The following TM9SF4 variants were observed in gnomAD, a reference collection of about 807,000 sequenced individuals.
TM9SF4 encodes transmembrane 9 superfamily member 4.
In TM9SF4, 26 loss-of-function variants were observed where a neutral mutation model predicts 90.4. The observed-to-expected ratio is 0.29, with a 90% CI of 0.21 to 0.40. TM9SF4 has a LOEUF of 0.40. TM9SF4 is among the 10% of genes least tolerant of loss of function. TM9SF4 has a pLI of 1.00. For synonymous variants in TM9SF4, 293 were observed against 315.4 expected, an observed-to-expected ratio of 0.93 and a Z score of 0.75; for missense variants, 549 against 834.8, an observed-to-expected ratio of 0.66 and a Z score of 4.22.
chr20:32,147,308 C>A (rs893174493), intron 9 of TM9SF4, among the ~76,000 whole-genome samples: 2 of 151,650 alleles, frequency 1.3e-5, no homozygotes, highest in African/African-American at 2.4e-5. Flanking sequence ...AAATGTAATA[C>A]CAAAAAAGTA....
intron 17 of TM9SF4, among the ~76,000 whole-genome samples, chr20:32,164,570 C>T (rs1385411549): frequency 6.6e-6 from 1 of 152,144 alleles, no homozygotes; most frequent in Non-Finnish European, 1.5e-5. Flanking sequence ...ATGGCCTTCA[C>T]CCCTTAGGCT....
intron 1 of TM9SF4, among the ~76,000 whole-genome samples, chr20:32,130,361 T>C (rs577457942): frequency 6.6e-6 from 1 of 152,352 alleles, no homozygotes; most frequent in East Asian, 1.9e-4. Flanking sequence ...TAACAACTTT[T>C]GGGTGGCTGT....
At chr20:32,143,761 T>C (rs1181366111) in intron 6 of TM9SF4, among the ~76,000 whole-genome samples, 2 of 151,862 alleles carry the variant, frequency 1.3e-5, no homozygotes, top group African/African-American at 2.4e-5. Flanking sequence ...AACTTAGTGT[T>C]CAAACAAAAT....
At chr20:32,115,718 AT>A (rs1446687508) in intron 1 of TM9SF4, among the ~76,000 whole-genome samples, 1 of 145,712 alleles carries the variant, frequency 6.9e-6, no homozygotes, top group Non-Finnish European at 1.5e-5. Flanking sequence ...TGGTTATGTG[AT>A]TTTGGGAAAA....
chr20:32,152,272 G>T (rs2046853764), intron 12 of TM9SF4, among the ~76,000 whole-genome samples: 1 of 151,804 alleles, frequency 6.6e-6, no homozygotes, highest in African/African-American at 2.4e-5. Context: ...CTCCTGGCAA[G>T]ATTCTTCCCT....
In TM9SF4 at chr20:32,157,799, C is replaced by T. The variant is rs1319473627; in HGVS notation, c.1335C>T (p.Pro445=). 2 of 1,614,132 alleles carry T rather than the reference C, an allele frequency of 1.2e-6. No individual in the cohort carries two copies. Among genetic ancestry groups the T allele is most frequent in the Admixed American group, 3.3e-5 (2 of 60,018 alleles). The change falls in exon 14 of 18, where the codon CCC becomes CCT. Residue 445 remains proline, a synonymous_variant. Coordinates refer to ENST00000398022, the MANE Select transcript of TM9SF4 (RefSeq NM_014742.4). ...TCATGGTGCCATGTCTACAGGTGCC[C>T]TTTCCCACCATGGTGGCTCTGCTGT... is the stretch of plus-strand genomic sequence containing the variant. The part of the protein sequence containing the change: ...IWGKHSSGAV[P]FPTMVALLCM...
At chr20:32,153,566 C>T (rs781041334) in intron 12 of TM9SF4, among the ~76,000 whole-genome samples, 32 of 151,964 alleles carry the variant, frequency 2.1e-4, no homozygotes, top group Non-Finnish European at 4.1e-4. Flanking sequence ...CTGGGCAACA[C>T]AGTGAGACCC....
chr20:32,158,846 G>A lies in TM9SF4; in HGVS notation c.1569+332G>A, dbSNP rs541389249. Among the ~76,000 whole-genome samples, 3 of 152,228 alleles carry A rather than the reference G, an allele frequency of 2.0e-5. No individual in the cohort carries two copies. The South Asian group carries it at 6.2e-4, about 32-fold the overall frequency. Reference sequence around the variant, plus strand: ...AAAATACAAAAATTAGCCGGGCATGGTGGCACACGCCTGTAGTCCCAGCTA... The same window carrying A: ...AAAATACAAAAATTAGCCGGGCATGATGGCACACGCCTGTAGTCCCAGCTA... On this transcript the variant is annotated intron_variant, in intron 15 of 17. Coordinates refer to ENST00000398022, the MANE Select transcript of TM9SF4 (RefSeq NM_014742.4).
At chr20:32,139,229 C>G (rs2046636552) in intron 3 of TM9SF4, among the ~76,000 whole-genome samples, 1 of 152,234 alleles carries the variant, frequency 6.6e-6, no homozygotes, top group Admixed American at 6.5e-5. Flanking sequence ...GGCCGATAAC[C>G]CCCAACTTCC....
In TM9SF4 at chr20:32,157,892, A is replaced by G. The variant is rs772146017; in HGVS notation, c.1428A>G (p.Pro476=). 6 of 1,614,042 alleles carry G rather than the reference A, an allele frequency of 3.7e-6. No homozygotes were observed. The South Asian group carries it at 4.4e-5, about 12-fold the overall frequency. ...LGYYFGFRKQ[P]YDNPVRTNQI... ...ACTACTTCGGCTTCCGAAAGCAGCCATATGACAACCCTGTGCGCACCAACC... is the reference window on the plus strand; with the variant it reads ...ACTACTTCGGCTTCCGAAAGCAGCCGTATGACAACCCTGTGCGCACCAACC... Residue 476 remains proline (P), a synonymous_variant, in exon 14 of 18, where the codon CCA becomes CCG. Transcript: ENST00000398022.
chr20:32,149,162 T>A (rs963718451), intron 9 of TM9SF4, among the ~76,000 whole-genome samples: 1 of 152,234 alleles, frequency 6.6e-6, no homozygotes, highest in African/African-American at 2.4e-5. Flanking sequence ...GAGTATCAAA[T>A]CATTTTATTT....
Position 32,166,616 on chromosome 20 carries a change from C to A in TM9SF4, c.*1172C>A, listed in dbSNP as rs2047102076. 6.6e-6 allele frequency: 1 copy of A among 152,322 alleles called. No homozygotes were observed. The highest frequency in any genetic ancestry group is 2.4e-5 in the African/African-American group (1 of 41,458). 9.4% of individuals were successfully genotyped at this position (152,322 alleles called of 1,614,324 possible). A position where few individuals can be genotyped will look rare whatever the true frequency, so the allele number is the denominator to read the frequency against. On this transcript the variant is annotated 3_prime_UTR_variant, in exon 18 of 18. Transcript: ENST00000398022. ...TGAGAAGGAAGATGGAAGGTAAGTT[C>A]TGTCGTTCTTTCCCCAATCCCCAGG... is the stretch of plus-strand genomic sequence containing the variant.
At position 32,165,403 on chromosome 20, in the gene TM9SF4, A is replaced by G. The variant is rs768162607; in HGVS notation, c.1888A>G (p.Met630Val). 51 of 1,613,886 alleles carry G rather than the reference A, an allele frequency of 3.2e-5. No individual in the cohort carries two copies. Among genetic ancestry groups the G allele is most frequent in the Non-Finnish European group, 4.1e-5 (48 of 1,180,012 alleles). Residue 630 changes from methionine to valine, a missense_variant, in exon 18 of 18, where the codon ATG becomes GTG. This residue lies in a region of TM9SF4 where 54 missense variants were observed against 123.1 expected (regional missense o/e 0.44). Transcript: ENST00000398022. ...TGTIGFYAAY[M>V]FVRKIYAAVK... ...TACCATCGGCTTCTATGCAGCCTAC[A>G]TGTTTGTTCGCAAGATCTATGCTGC... is the stretch of plus-strand genomic sequence containing the variant.
At chr20:32,122,801 G>A (rs1351422924) in intron 1 of TM9SF4, among the ~76,000 whole-genome samples, 1 of 152,256 alleles carries the variant, frequency 6.6e-6, no homozygotes, top group East Asian at 2.0e-4. Context: ...TCGGCACTTT[G>A]GGAGGCCAAG....
intron 13 of TM9SF4, 133 bp from the exon 14 acceptor site, chr20:32,157,660 TG>T: frequency 8.6e-7 from 1 of 1,162,886 alleles, no homozygotes; most frequent in Non-Finnish European, 1.2e-6. Context: ...AGCCCTGTGG[TG>T]GGGGCAGGGA....
intron 1 of TM9SF4, among the ~76,000 whole-genome samples, chr20:32,122,265 A>C (rs1184960404): frequency 5.7e-5 from 4 of 70,700 alleles, no homozygotes; most frequent in Admixed American, 1.3e-4. Flanking sequence ...CTGACCCCCC[A>C]CCTCCCTCCC....
At chr20:32,140,186 G>A (rs897104884) in intron 3 of TM9SF4, among the ~76,000 whole-genome samples, 2 of 152,236 alleles carry the variant, frequency 1.3e-5, no homozygotes, top group South Asian at 4.1e-4. Flanking sequence ...ATGTGGAGGT[G>A]TTAATTAGTC....
chr20:32,118,930 T>G (rs142652458), intron 1 of TM9SF4, among the ~76,000 whole-genome samples: 6 of 151,596 alleles, frequency 4.0e-5, no homozygotes, highest in African/African-American at 1.2e-4. Flanking sequence ...TGCCCGTAAA[T>G]GTATTTATTT....
intron 1 of TM9SF4, among the ~76,000 whole-genome samples, chr20:32,123,862 A>ATTTTTTTTTTTTTTTTTTTTTT (rs1168474976): frequency 1.9e-5 from 1 of 53,132 alleles, no homozygotes; most frequent in African/African-American, 1.1e-4. Flanking sequence ...ATATATATAT[A>ATTTTTTTTTTTTTTTTTTTTTT]TATATTTTTT....
Sources: gnomAD v4.1 joint callset for allele counts (sites outside exome capture counted in the v4.1 genomes callset) on GRCh38, gnomAD v4.1.1 for gene constraint, gnomAD v4.1.1 regional missense constraint, MANE v1.5 for transcripts, NCBI Gene and HGNC (gene_info 2026-07-23, HGNC 2026-07-21) for gene names.